NAV2: variants seen among roughly 807,000 people sequenced by gnomAD.
The protein encoded by NAV2 is neuron navigator 2, also known as helicase, APC down-regulated 1.
A neutral mutation model predicts 223.2 loss-of-function variants in NAV2; 54 were observed. The observed-to-expected ratio is 0.24, with a 90% confidence interval of 0.19 to 0.30. NAV2 has a LOEUF of 0.30. Ranked by LOEUF, NAV2 falls within the 10% of genes least tolerant of loss-of-function variation. The pLI, the probability that NAV2 is intolerant of heterozygous loss-of-function variation, is 1.00. For synonymous variants in NAV2, 1,279 were observed against 1,239.3 expected (o/e 1.03, Z -0.67); for missense variants, 2,806 against 3,147.5 (o/e 0.89, Z 2.60).
At chr11:19,652,631 C>A (rs1296355775) in intron 1 of NAV2, among the ~76,000 whole-genome samples, 1 of 152,194 alleles carries the variant, frequency 6.6e-6, no homozygotes, top group Non-Finnish European at 1.5e-5. Context: ...CAGAAGGATG[C>A]GTGGTAAAAA....
intron 8 of NAV2, 127 bp from the exon 9 acceptor site, chr11:19,946,274 A>G (rs775498473): frequency 2.4e-5 from 17 of 711,382 alleles, no homozygotes; most frequent in Non-Finnish European, 3.8e-5. Context: ...TCAAATCCTT[A>G]TTAAGCACCC....
chr11:19,470,029 G>C (rs1441350605), intron 1 of NAV2, among the ~76,000 whole-genome samples: 1 of 152,244 alleles, frequency 6.6e-6, no homozygotes, highest in Non-Finnish European at 1.5e-5. Flanking sequence ...TGGTTTCTGT[G>C]AGCTTGCTTC....
At chr11:20,088,190 G>A (rs1022538142) in intron 26 of NAV2, among the ~76,000 whole-genome samples, 1 of 152,040 alleles carries the variant, frequency 6.6e-6, no homozygotes, top group Admixed American at 6.5e-5. Context: ...TTTCTTTTTT[G>A]TTTTGAGACT....
intron 34 of NAV2, chr11:20,104,168 G>A (rs759134241): frequency 3.7e-5 from 7 of 186,796 alleles, no homozygotes; most frequent in Non-Finnish European, 3.3e-5. Context: ...GTGGGCCCTC[G>A]AGTCCCAGCT....
chr11:20,091,926 A>G (rs1007989550), intron 27 of NAV2, among the ~76,000 whole-genome samples: 5 of 152,194 alleles, frequency 3.3e-5, no homozygotes, highest in African/African-American at 2.4e-5. Context: ...CTCTTAGATC[A>G]TAAGACTCTT....
At chr11:19,589,524 G>T (rs887347470) in intron 1 of NAV2, among the ~76,000 whole-genome samples, 1 of 152,210 alleles carries the variant, frequency 6.6e-6, no homozygotes, top group Non-Finnish European at 1.5e-5. Flanking sequence ...GACAAAGCGG[G>T]AAAGGGATTC....
chr11:19,816,583 A>C (rs112984467), intron 1 of NAV2, among the ~76,000 whole-genome samples: 2 of 152,332 alleles, frequency 1.3e-5, no homozygotes, highest in African/African-American at 4.8e-5. Context: ...TCCACTTCAC[A>C]GATGAAGAAG....
At chr11:19,957,702 G>A (rs1031572467) in intron 10 of NAV2, among the ~76,000 whole-genome samples, 2 of 152,208 alleles carry the variant, frequency 1.3e-5, no homozygotes, top group African/African-American at 4.8e-5. Flanking sequence ...TGGAGGAGGA[G>A]AAATTCTCCA....
Position 19,350,977 on chromosome 11 carries a change from C to T in NAV2, c.25C>T (p.Gln9Ter). The stretch of plus-strand genomic sequence containing the variant: ...AATGGAATCGGTTTCTGAGTCCAGC[C>T]AACAGCAGAAGAGAAAGCCAGTTAT... Residue 9 changes from glutamine (Q) to a stop codon, truncating the protein, a stop_gained, in exon 1 of 38, where the codon CAA becomes TAA. Coordinates refer to the NAV2 transcript ENST00000360655. LOFTEE classifies it high-confidence loss of function. 1 of 1,551,710 alleles carries T rather than the reference C, an allele frequency of 6.4e-7. No individual in the cohort carries two copies. Among genetic ancestry groups the T allele is most frequent in the Non-Finnish European group, 8.7e-7 (1 of 1,146,990 alleles).
At chr11:20,041,854 CT>C (rs1361360221) in intron 12 of NAV2, among the ~76,000 whole-genome samples, 1 of 152,172 alleles carries the variant, frequency 6.6e-6, no homozygotes, top group African/African-American at 2.4e-5. Flanking sequence ...TAGGGTACTT[CT>C]TTTTGAACTG....
chr11:19,347,441 T>C (rs1853069036), upstream of NAV2, among the ~76,000 whole-genome samples: 1 of 152,184 alleles, frequency 6.6e-6, no homozygotes, highest in Non-Finnish European at 1.5e-5. Flanking sequence ...CCGGGGTGGT[T>C]GCCCAGAGGA....
At chr11:19,698,817 TGAGA>T (rs984654889) in intron 1 of NAV2, among the ~76,000 whole-genome samples, 2 of 149,868 alleles carry the variant, frequency 1.3e-5, no homozygotes, top group South Asian at 2.1e-4. Flanking sequence ...TGTGTGCATG[TGAGA>T]GAGAGAGAGT....
Position 19,713,880 on chromosome 11 carries a change from TGCTGCAGGG to T in NAV2, c.194_202del (p.Gly65_Gln67del), listed in dbSNP as rs2050045722. On this transcript the variant is annotated inframe_deletion, in exon 1 of 38. Transcript: ENST00000349880. The surrounding 1 kb of genome is among the most constrained non-coding windows in gnomAD (Gnocchi z 7.2). Reference sequence around the variant, plus strand: ...AGCCAGATCCCCCTGAAATCGCAGGTGCTGCAGGGGCTGCAGGAGCCAGCGGGGGAGGGG... The same window carrying T: ...AGCCAGATCCCCCTGAAATCGCAGGTGCTGCAGGAGCCAGCGGGGGAGGGG... 1.2e-6 allele frequency: 2 copies of T among 1,613,442 alleles called. No individual in the cohort carries two copies. Among genetic ancestry groups the T allele is most frequent in the Non-Finnish European group, 8.5e-7 (1 of 1,179,946 alleles).
At chr11:19,653,161 C>T (rs1244984149) in intron 1 of NAV2, among the ~76,000 whole-genome samples, 1 of 152,194 alleles carries the variant, frequency 6.6e-6, no homozygotes, top group African/African-American at 2.4e-5. Flanking sequence ...AGCCACTGAG[C>T]AACAGAGGAG....
chr11:19,676,823 G>A (rs2048726968), intron 1 of NAV2, among the ~76,000 whole-genome samples: 1 of 152,212 alleles, frequency 6.6e-6, no homozygotes, highest in Non-Finnish European at 1.5e-5. Context: ...CTTATTGTGG[G>A]TCAGGCCAGA....
At chr11:20,108,886 C>A (rs547445050) in intron 36 of NAV2, among the ~76,000 whole-genome samples, 5 of 152,338 alleles carry the variant, frequency 3.3e-5, no homozygotes, top group African/African-American at 9.6e-5. Flanking sequence ...TTAACACTCA[C>A]AGTTAGTAAT....
At chr11:19,852,978 T>C (rs2061230672) in intron 3 of NAV2, among the ~76,000 whole-genome samples, 1 of 152,246 alleles carries the variant, frequency 6.6e-6, no homozygotes, top group Non-Finnish European at 1.5e-5. Context: ...TTAACTCAGT[T>C]CTAAAGGTAT....
chr11:19,956,048 G>A (rs730000), intron 10 of NAV2, among the ~76,000 whole-genome samples: 50,104 of 151,974 alleles, frequency 0.33, 9,521 homozygotes, highest in African/African-American at 0.52. Flanking sequence ...CTCTTGGAAC[G>A]CTTGGGAAGT....
At chr11:19,625,271 A>G (rs1034448010) in intron 1 of NAV2, among the ~76,000 whole-genome samples, 2 of 152,142 alleles carry the variant, frequency 1.3e-5, no homozygotes, top group African/African-American at 2.4e-5. Flanking sequence ...TTTTACTTCA[A>G]TGAGAACAAC....
Sources: gnomAD v4.1 joint callset for allele counts (sites outside exome capture counted in the v4.1 genomes callset) on GRCh38, gnomAD v4.1.1 for gene constraint, Gnocchi (gnomAD v3.1) non-coding constraint, MANE v1.5 for transcripts, NCBI Gene and HGNC (gene_info 2026-07-23, HGNC 2026-07-21) for gene names.